The following BAZ2B variants were observed in gnomAD, a reference collection of about 807,000 sequenced individuals.
BAZ2B encodes bromodomain adjacent to zinc finger domain 2B.
A neutral mutation model predicts 246.0 loss-of-function variants in BAZ2B; 91 were observed. That is an observed-to-expected ratio of 0.37 (90% CI 0.31 to 0.44). BAZ2B has a LOEUF of 0.44. Ranked by LOEUF, BAZ2B falls within the 20% of genes least tolerant of loss-of-function variation. The pLI is 1.00. For missense variants in BAZ2B, 2,332 were observed against 2,533.7 expected (o/e 0.92, Z 1.71); for synonymous variants, 855 against 860.0 (o/e 0.99, Z 0.10).
At chr2:159,522,614 C>T (rs925792975) in intron 2 of BAZ2B, among the ~76,000 whole-genome samples, 13 of 152,124 alleles carry the variant, frequency 8.5e-5, no homozygotes, top group Non-Finnish European at 1.3e-4. Context: ...TTAGACGTTC[C>T]TTATTAAATG....
intron 8 of BAZ2B, among the ~76,000 whole-genome samples, chr2:159,436,207 G>GAAAAC (rs1577014943): frequency 1.3e-5 from 2 of 152,132 alleles, no homozygotes; most frequent in African/African-American, 4.8e-5. Context: ...AAAGGGCCAT[G>GAAAAC]AAAACAAAAG....
intron 1 of BAZ2B, among the ~76,000 whole-genome samples, chr2:159,602,485 ACTTC>A (rs1216660150): frequency 6.6e-6 from 1 of 152,160 alleles, no homozygotes; most frequent in Non-Finnish European, 1.5e-5. Flanking sequence ...TCAAAACATT[ACTTC>A]CTAATTATTT....
Position 159,349,988 on chromosome 2 carries a change from A to G in BAZ2B, c.4583T>C (p.Leu1528Pro), listed in dbSNP as rs758770929. ...TGGACCACTTGAACCAGTATTAAAC[A>G]GATTATTAGAGTCTGCCTTTTCCAC... The part of the protein sequence containing the change: ...SNVEKADSNN[L>P]FNTGSSGPGK... The change falls in exon 28 of 37, where the codon CTG becomes CCG. Residue 1528 changes from leucine to proline, a missense_variant. Around this residue, in one of 9 missense-constraint regions of BAZ2B, gnomAD observed 676 missense variants for 668.6 expected, o/e 1.01. Transcript: ENST00000392783. The G allele has an allele frequency of 6.2e-7, 1 of 1,614,202 alleles. No homozygotes were observed. Among genetic ancestry groups the G allele is most frequent in the African/African-American group, 1.3e-5 (1 of 75,062 alleles).
At chr2:159,634,173 G>A in the BAZ2B span, among the ~76,000 whole-genome samples, 1 of 152,198 alleles carries the variant, frequency 6.6e-6, no homozygotes, top group African/African-American at 2.4e-5. Flanking sequence ...TCTAGGAATA[G>A]CACAGTGTGA....
At chr2:159,399,835 C>T (rs2064689038) in intron 17 of BAZ2B, among the ~76,000 whole-genome samples, 1 of 152,104 alleles carries the variant, frequency 6.6e-6, no homozygotes, top group Admixed American at 6.6e-5. Context: ...TTTATTTTCA[C>T]TCTTTTAGAT....
At chr2:159,648,077 G>T in the BAZ2B span, among the ~76,000 whole-genome samples, 2 of 152,116 alleles carry the variant, frequency 1.3e-5, no homozygotes, top group African/African-American at 4.8e-5. Context: ...AAAGATTATG[G>T]ATATATCCTT....
At chr2:159,674,118 C>A in the BAZ2B span, among the ~76,000 whole-genome samples, 1,726 of 151,966 alleles carry the variant, frequency 0.011, 39 homozygotes, top group African/African-American at 0.038. Flanking sequence ...CTGAGGTGGG[C>A]AGATTGCTTG....
At chr2:159,679,646 C>T in the BAZ2B span, among the ~76,000 whole-genome samples, 1 of 152,138 alleles carries the variant, frequency 6.6e-6, no homozygotes, top group Non-Finnish European at 1.5e-5. Context: ...TTAAATAAAT[C>T]CTTTCAATGC....
downstream of BAZ2B, among the ~76,000 whole-genome samples, chr2:159,318,711 C>A (rs1575547813): frequency 6.6e-6 from 1 of 152,286 alleles, no homozygotes; most frequent in Middle Eastern, 3.4e-3. Context: ...CAGACCAGAA[C>A]AAGATCTAAT....
At chr2:159,433,406 A>G (rs1411852908) in intron 8 of BAZ2B, 43 bp from the exon 9 acceptor site, 1 of 1,534,350 alleles carries the variant, frequency 6.5e-7, no homozygotes, top group Non-Finnish European at 8.8e-7. Flanking sequence ...ATGTACCACA[A>G]AACAAAGATT....
chr2:159,590,711 AAAAGG>A (rs1689201250), intron 1 of BAZ2B, among the ~76,000 whole-genome samples: 3 of 152,176 alleles, frequency 2.0e-5, no homozygotes, highest in African/African-American at 7.2e-5. Context: ...AATAATTCCA[AAAAGG>A]TGTGCTAGTC....
At chr2:159,538,724 A>G (rs10169198) in intron 2 of BAZ2B, among the ~76,000 whole-genome samples, 4,747 of 152,330 alleles carry the variant, frequency 0.031, 251 homozygotes, top group African/African-American at 0.11. Context: ...ATAATCATAC[A>G]GCCCAATACT....
At position 159,348,758 on chromosome 2, in the gene BAZ2B, C is replaced by G. The variant is rs749987658; in HGVS notation, c.5213G>C (p.Gly1738Ala). ...TTTTTGTAATGCCTTTTCTCTTATT[C>G]CTCTGAGATGCAGCACTTTGAGCAA... is the stretch of plus-strand genomic sequence containing the variant. ...KALLKVLHLR[G>A]IREKALQKQI... Residue 1738 changes from glycine (G) to alanine (A), a missense_variant, in exon 30 of 37, where the codon GGA (glycine) becomes GCA (alanine). Gly to Ala is a moderately conservative substitution (Grantham distance 60). Coordinates refer to ENST00000392783, the MANE Select transcript of BAZ2B (RefSeq NM_013450.4). 9 of 1,613,266 alleles carry G rather than the reference C, an allele frequency of 5.6e-6. No homozygotes were observed. The East Asian group carries it at 6.7e-5, about 12-fold the overall frequency.
intron 27 of BAZ2B, among the ~76,000 whole-genome samples, chr2:159,364,800 C>T (rs373144757): frequency 3.2e-4 from 48 of 152,298 alleles, no homozygotes; most frequent in African/African-American, 1.0e-3. Context: ...GGTCGGCAGA[C>T]GTTGTGTGAC....
chr2:159,688,700 A>T, the BAZ2B span, among the ~76,000 whole-genome samples: 1 of 152,088 alleles, frequency 6.6e-6, no homozygotes, highest in East Asian at 1.9e-4. Flanking sequence ...ACCTCTTTGG[A>T]CTTCTTTGAT....
intron 33 of BAZ2B, 51 bp from the exon 34 acceptor site, chr2:159,332,737 G>T (rs748046322): frequency 1.3e-5 from 21 of 1,587,224 alleles, no homozygotes; most frequent in Non-Finnish European, 1.8e-5. Context: ...ATGAATAATA[G>T]TTATTGGGAT....
rs779608475 is a variant in BAZ2B, at chr2:159,375,856, A to T, written c.4006-1103T>A. ...TCTAGGAGACTGGAAAAATACTGAT[A>T]CTATCAACTGAAGGAGTTATTTTTG... On this transcript the variant is annotated intron_variant, in intron 25 of 36. Coordinates refer to ENST00000392783, the MANE Select transcript of BAZ2B (RefSeq NM_013450.4). Among the ~76,000 whole-genome samples the T allele has an allele frequency of 2.0e-5, 3 of 152,350 alleles. No individual in the cohort carries two copies. In the East Asian group the frequency reaches 5.8e-4, roughly 29 times the overall value.
the BAZ2B span, among the ~76,000 whole-genome samples, chr2:159,699,380 T>TA: frequency 1.3e-5 from 2 of 151,868 alleles, no homozygotes; most frequent in Admixed American, 6.6e-5. Flanking sequence ...CCACCTTTTT[T>TA]AAAAAAATGA....
intron 2 of BAZ2B, among the ~76,000 whole-genome samples, chr2:159,519,222 T>TC (rs2083796186): frequency 2.4e-5 from 1 of 41,064 alleles, no homozygotes; most frequent in African/African-American, 8.4e-5. Context: ...TTTTTTTTTT[T>TC]TTTTTTTTTT....
Sources: allele counts gnomAD v4.1 joint callset (sites outside exome capture counted in the v4.1 genomes callset), GRCh38; gene constraint gnomAD v4.1.1; regional missense constraint gnomAD v4.1.1; transcripts MANE v1.5; gene names NCBI Gene and HGNC (gene_info 2026-07-23, HGNC 2026-07-21).